Variants in TRIM54 observed in about 807,000 individuals in gnomAD.
TRIM54 encodes tripartite motif containing 54, also known as tripartite motif-containing protein 54.
A neutral mutation model predicts 42.0 loss-of-function variants in TRIM54; 40 were observed. The ratio of observed to expected loss-of-function variants is 0.95; its 90% CI spans 0.74 to 1.24. TRIM54 has a LOEUF of 1.24. TRIM54 is among the 50% of genes most tolerant of loss of function. The pLI, the probability that TRIM54 is intolerant of heterozygous loss-of-function variation, is 0.00. For missense variants in TRIM54, 485 were observed against 480.3 expected (o/e 1.01, Z -0.09); for synonymous variants, 199 against 194.9 (o/e 1.02, Z -0.17).
rs1456983892 is a variant in TRIM54, at chr2:27,306,103, G to A, written c.866+1G>A. 1.9e-6 allele frequency: 3 copies of A among 1,613,914 alleles called. No homozygotes were observed. In the East Asian group the frequency reaches 6.7e-5, roughly 36 times the overall value. On this transcript the variant is annotated splice_donor_variant, in intron 6 of 8. Coordinates refer to ENST00000380075, the MANE Select transcript of TRIM54 (RefSeq NM_187841.3). LOFTEE classifies it high-confidence loss of function. The surrounding 1 kb of genome is among the most constrained non-coding windows in gnomAD (Gnocchi z 6.1). Reference sequence around the variant, plus strand: ...AGCAGGCCAAGGAGCTGATCAATAAGTGAGTAGGCATAGCGGGAAGGGAAA... The same window carrying A: ...AGCAGGCCAAGGAGCTGATCAATAAATGAGTAGGCATAGCGGGAAGGGAAA...
chr2:27,297,569 T>A (rs2148197247), intron 1 of TRIM54, among the ~76,000 whole-genome samples: 1 of 152,224 alleles, frequency 6.6e-6, no homozygotes, highest in East Asian at 1.9e-4. Context: ...GTGCTTGTCC[T>A]TAGGACAGGA....
At chr2:27,295,920 C>G (rs1248899357) in intron 1 of TRIM54, among the ~76,000 whole-genome samples, 2 of 152,178 alleles carry the variant, frequency 1.3e-5, no homozygotes, top group Non-Finnish European at 2.9e-5. Flanking sequence ...AACGCATTCC[C>G]TAAACTAAAC....
chr2:27,293,432 G>C (rs958010156), intron 1 of TRIM54, among the ~76,000 whole-genome samples: 1 of 152,124 alleles, frequency 6.6e-6, no homozygotes, highest in Admixed American at 6.6e-5. Flanking sequence ...CGCAGAATCC[G>C]GTGATTTATC....
At chr2:27,291,183 G>A (rs1036133856) in intron 1 of TRIM54, among the ~76,000 whole-genome samples, 2 of 152,208 alleles carry the variant, frequency 1.3e-5, no homozygotes, top group Admixed American at 6.5e-5. Flanking sequence ...GTGAAACCCT[G>A]TCTCTACTAA....
At chr2:27,290,666 G>T (rs569709797) in intron 1 of TRIM54, among the ~76,000 whole-genome samples, 16 of 152,198 alleles carry the variant, frequency 1.1e-4, no homozygotes, top group South Asian at 8.3e-4. Context: ...AATAAATAAA[G>T]AAGTAATGAT....
intron 1 of TRIM54, among the ~76,000 whole-genome samples, chr2:27,297,823 T>TA (rs938909197): frequency 1.3e-5 from 2 of 150,980 alleles, no homozygotes; most frequent in Non-Finnish European, 3.0e-5. Context: ...CTACTAAAAA[T>TA]AAAAAAAATT....
intron 1 of TRIM54, 143 bp downstream of exon 1, chr2:27,283,042 G>A (rs1278458871): frequency 2.1e-6 from 2 of 938,342 alleles, no homozygotes; most frequent in African/African-American, 3.4e-5. Context: ...AGAGCAGAAG[G>A]GCTGGGGTCC....
Position 27,291,922 on chromosome 2 carries a change from C to G in TRIM54, c.169-6645C>G, listed in dbSNP as rs548057473. On this transcript the variant is annotated intron_variant, in intron 1 of 8. Transcript: ENST00000380075. ...GGACTGTGGTGTCAGCAGCAGGGAG[C>G]AGCACCAGCCCTGAGCAAGACGGTG... Among the ~76,000 whole-genome samples the G allele has an allele frequency of 1.5e-3, 224 of 152,292 alleles. 1 individual carries two copies. The highest frequency in any genetic ancestry group is 2.3e-3 in the East Asian group (12 of 5,184).
chr2:27,303,294 G>A (rs1211512654), intron 3 of TRIM54, among the ~76,000 whole-genome samples: 1 of 152,170 alleles, frequency 6.6e-6, no homozygotes. Context: ...AGTGGCTCAC[G>A]CCTGTAATCT....
At chr2:27,292,101 A>G (rs1313035314) in intron 1 of TRIM54, among the ~76,000 whole-genome samples, 1 of 152,202 alleles carries the variant, frequency 6.6e-6, no homozygotes, top group African/African-American at 2.4e-5. Flanking sequence ...GAATAAATGC[A>G]ATGACTAACC....
chr2:27,283,764 G>GCACACACGCACGCGCGCGCACA (rs1558580798), intron 1 of TRIM54, among the ~76,000 whole-genome samples: 1 of 117,864 alleles, frequency 8.5e-6, no homozygotes, highest in African/African-American at 3.4e-5. Context: ...AGGGGCAAAG[G>GCACACACGCACGCGCGCGCACA]CACACACACA....
intron 1 of TRIM54, among the ~76,000 whole-genome samples, chr2:27,293,318 C>G (rs1013718091): frequency 2.0e-5 from 3 of 152,186 alleles, no homozygotes; most frequent in Admixed American, 6.5e-5. Flanking sequence ...GTTTTGCAAT[C>G]TCTCTTTAGT....
chr2:27,283,965 T>C (rs1678484337), intron 1 of TRIM54, among the ~76,000 whole-genome samples: 2 of 152,070 alleles, frequency 1.3e-5, no homozygotes, highest in Admixed American at 1.3e-4. Context: ...AAACCCCATC[T>C]CTACCAAAAA....
chr2:27,298,008 G>A (rs967661848), intron 1 of TRIM54, among the ~76,000 whole-genome samples: 3 of 148,350 alleles, frequency 2.0e-5, no homozygotes, highest in African/African-American at 4.9e-5. Context: ...AAAAGGCCGG[G>A]GGGAGGGCAT....
chr2:27,288,444 C>T (rs1415324241), intron 1 of TRIM54, among the ~76,000 whole-genome samples: 3 of 152,164 alleles, frequency 2.0e-5, no homozygotes, highest in Admixed American at 6.5e-5. Context: ...TAGAAGGCAC[C>T]GTAAAGCCTA....
At position 27,306,426 on chromosome 2, in the gene TRIM54, T is replaced by C. The variant is rs746838751; in HGVS notation, c.992-30T>C. On this transcript the variant is annotated intron_variant, in intron 7 of 8. Coordinates refer to ENST00000380075, the MANE Select transcript of TRIM54 (RefSeq NM_187841.3). This position sits in a 1 kb window ranked among gnomAD's most constrained non-coding sequence, Gnocchi z 6.1. ...GCACGATGGCCGTAAAGGCAGGGAC[T>C]CCACCTCACCAGGCCTTCCTTGGGC... The C allele has an allele frequency of 6.2e-7, 1 of 1,608,434 alleles. No homozygotes were observed. The highest frequency in any genetic ancestry group is 8.5e-7 in the Non-Finnish European group (1 of 1,177,438).
At chr2:27,284,801 C>G (rs146070338) in intron 1 of TRIM54, among the ~76,000 whole-genome samples, 8 of 152,230 alleles carry the variant, frequency 5.3e-5, no homozygotes, top group African/African-American at 1.9e-4. Context: ...GTGATGTGTC[C>G]TGTAGAAAAG....
intron 1 of TRIM54, among the ~76,000 whole-genome samples, chr2:27,283,113 G>A (rs541668120): frequency 6.6e-6 from 1 of 152,292 alleles, no homozygotes; most frequent in South Asian, 2.1e-4. Flanking sequence ...GGTACAGCCT[G>A]TGCATAGACG....
chr2:27,283,770 A>ACGCACGCGCGCGCGCGCGCG (rs1487361341), intron 1 of TRIM54, among the ~76,000 whole-genome samples: 27 of 100,502 alleles, frequency 2.7e-4, no homozygotes, highest in South Asian at 7.9e-4. Context: ...AAAGGCACAC[A>ACGCACGCGCGCGCGCGCGCG]CACACACACG....
Sources: gnomAD v4.1 joint callset for allele counts (sites outside exome capture counted in the v4.1 genomes callset) on GRCh38, gnomAD v4.1.1 for gene constraint, Gnocchi (gnomAD v3.1) non-coding constraint, MANE v1.5 for transcripts, NCBI Gene and HGNC (gene_info 2026-07-23, HGNC 2026-07-21) for gene names.